The following ZSCAN2 variants were observed in gnomAD, a reference collection of about 807,000 sequenced individuals.
ZSCAN2 encodes the protein zinc finger and SCAN domain containing 2.
In ZSCAN2, 26 loss-of-function variants were observed where a neutral mutation model predicts 47.8. The ratio of observed to expected loss-of-function variants is 0.54; its 90% CI spans 0.40 to 0.75. The LOEUF is 0.75. ZSCAN2 is among the 30% of genes least tolerant of loss of function. The pLI is 0.00. For missense variants in ZSCAN2, 732 were observed against 785.4 expected, an observed-to-expected ratio of 0.93 and a Z score of 0.81; for synonymous variants, 305 against 288.7, an observed-to-expected ratio of 1.06 and a Z score of -0.57.
rs1267756182 is a variant in ZSCAN2, at chr15:84,622,955, C to G, written c.*915C>G. 1 of 432,318 alleles carries G rather than the reference C, an allele frequency of 2.3e-6. No homozygotes were observed. The highest frequency in any genetic ancestry group is 3.9e-5 in the East Asian group (1 of 25,408). The allele number at this position is 432,318 out of a possible 1,614,324, so 26.8% of individuals were successfully genotyped here. A position where few individuals can be genotyped will look rare whatever the true frequency, so the allele number is the denominator to read the frequency against. The stretch of plus-strand genomic sequence containing the variant: ...TGCACACAGCAGGGTGGGTTTGTGC[C>G]TTTGGCCCAACAGGTACATAGCCCC... On this transcript the variant is annotated 3_prime_UTR_variant, in exon 3 of 3. Coordinates refer to ENST00000546148, the MANE Select transcript of ZSCAN2 (RefSeq NM_181877.4).
rs375524895 is a variant in ZSCAN2 at position 84,620,738 on chromosome 15, T to C, written c.543T>C (p.Asp181=). ...HSDGESDFER[D]AGIQRLQGHS... is the part of the protein sequence containing the mutation. ...ATGGGGAAAGTGACTTTGAGAGAGA[T>C]GCTGGCATCCAGAGGCTCCAGGGAC... Residue 181 remains aspartate, a synonymous_variant, in exon 3 of 3, where the codon GAT becomes GAC. Coordinates refer to ENST00000546148, the MANE Select transcript of ZSCAN2 (RefSeq NM_181877.4). 2 of 1,614,120 alleles carry C rather than the reference T, an allele frequency of 1.2e-6. No individual in the cohort carries two copies. The highest frequency in any genetic ancestry group is 1.3e-5 in the African/African-American group (1 of 74,934).
At chr15:84,611,263 A>G (rs1029343215) in intron 2 of ZSCAN2, among the ~76,000 whole-genome samples, 2 of 152,102 alleles carry the variant, frequency 1.3e-5, no homozygotes, top group Admixed American at 1.3e-4. Context: ...CCTGGGTGAC[A>G]GAGCAAGACT....
Position 84,622,124 on chromosome 15 carries a change from T to C in ZSCAN2, c.*84T>C. 1 of 1,239,118 alleles carries C rather than the reference T, an allele frequency of 8.1e-7. No homozygotes were observed. Among genetic ancestry groups the C allele is most frequent in the Non-Finnish European group, 1.1e-6 (1 of 881,508 alleles). 76.8% of individuals were successfully genotyped at this position (1,239,118 alleles called of 1,614,324 possible). Reference sequence around the variant, plus strand: ...ACAGTGATTCCCTTTCAAAGAGCTGTGCTTCCTAAACATTCTGGGGGGTTT... The same window carrying C: ...ACAGTGATTCCCTTTCAAAGAGCTGCGCTTCCTAAACATTCTGGGGGGTTT... On this transcript the variant is annotated 3_prime_UTR_variant, in exon 3 of 3. Transcript: ENST00000546148.
At position 84,620,469 on chromosome 15, in the gene ZSCAN2, A is replaced by G. The variant is rs376808587; in HGVS notation, c.407-133A>G. The G allele has an allele frequency of 2.1e-5, 16 of 751,456 alleles. No homozygotes were observed. In the East Asian group the frequency reaches 3.8e-4, roughly 18 times the overall value. 46.5% of individuals were successfully genotyped at this position (751,456 alleles called of 1,614,324 possible). The stretch of plus-strand genomic sequence containing the variant: ...TTTGGGTATATTAAACCTGATTATT[A>G]AAGGCTTTGAGGATTTTCTAGCCTC... On this transcript the variant is annotated intron_variant, in intron 2 of 2. Coordinates refer to ENST00000546148, the MANE Select transcript of ZSCAN2 (RefSeq NM_181877.4).
At position 84,609,286 on chromosome 15, in the gene ZSCAN2, C is replaced by CATATATGATATATGAG. The variant is rs1302285591; in HGVS notation, c.406+4967_406+4982dup. Among the ~76,000 whole-genome samples, 4 of 150,706 alleles carry CATATATGATATATGAG rather than the reference C, an allele frequency of 2.7e-5. No homozygotes were observed. The South Asian group carries it at 8.4e-4, about 31-fold the overall frequency. ...ACACATATATATCTATGATATATAT[C>CATATATGATATATGAG]ATATATGATATATGAGATATATGAT... On this transcript the variant is annotated intron_variant, in intron 2 of 2. Transcript: ENST00000546148.
intron 1 of ZSCAN2, among the ~76,000 whole-genome samples, chr15:84,603,194 C>T (rs952487792): frequency 2.0e-5 from 3 of 152,086 alleles, no homozygotes; most frequent in Middle Eastern, 3.4e-3. Flanking sequence ...AGGTGGTCAC[C>T]GAGTTTGGTG....
In ZSCAN2 at chr15:84,620,335, A is replaced by G. The variant is rs548266017; in HGVS notation, c.407-267A>G. ...ATATGTACTACATTTTCTTCATCCAATCTATCATTGATGGGCATTTGGGTT... is the reference window on the plus strand; with the variant it reads ...ATATGTACTACATTTTCTTCATCCAGTCTATCATTGATGGGCATTTGGGTT... On this transcript the variant is annotated intron_variant, in intron 2 of 2. Coordinates refer to ENST00000546148, the MANE Select transcript of ZSCAN2 (RefSeq NM_181877.4). 1.6e-3 allele frequency among the ~76,000 whole-genome samples: 237 copies of G among 152,186 alleles called. 2 individuals are homozygous for G. The highest frequency in any genetic ancestry group is 4.9e-3 in the African/African-American group (202 of 41,530).
chr15:84,621,477 A>G lies in ZSCAN2; in HGVS notation c.1282A>G (p.Ser428Gly). The G allele has an allele frequency of 6.2e-7, 1 of 1,614,146 alleles. No individual in the cohort carries two copies. Among genetic ancestry groups the G allele is most frequent in the African/African-American group, 1.3e-5 (1 of 75,026 alleles). ...YQCSECGKSF[S>G]RSSNLATHRR... ...GTGCAGCGAGTGTGGGAAAAGCTTC[A>G]GCCGCAGCTCTAACCTGGCCACACA... The change falls in exon 3 of 3, where the codon AGC becomes GGC. Residue 428 changes from serine (S) to glycine (G), a missense_variant. Physicochemically the swap from Ser to Gly is moderately conservative, Grantham distance 56. Around this residue, in one of 2 missense-constraint regions of ZSCAN2, gnomAD observed 412 missense variants for 498.0 expected, o/e 0.83. Transcript: ENST00000546148. This position sits in a 1 kb window ranked among gnomAD's most constrained non-coding sequence, Gnocchi z 5.7.
chr15:84,606,021 CGTT>C (rs762902001), intron 2 of ZSCAN2, among the ~76,000 whole-genome samples: 54 of 152,290 alleles, frequency 3.5e-4, no homozygotes, highest in Non-Finnish European at 6.3e-4. Context: ...TGTTTTTAAG[CGTT>C]GTCATATGTA....
At chr15:84,603,391 C>T (rs1315702124) in intron 1 of ZSCAN2, among the ~76,000 whole-genome samples, 3 of 139,660 alleles carry the variant, frequency 2.1e-5, no homozygotes, top group Non-Finnish European at 4.6e-5. Flanking sequence ...TTTTTTGAGA[C>T]GGAGTCTCAC....
intron 2 of ZSCAN2, among the ~76,000 whole-genome samples, chr15:84,610,488 C>CTTTTTTTTT (rs71132689): frequency 1.0e-4 from 9 of 86,924 alleles, no homozygotes; most frequent in African/African-American, 1.1e-4. Flanking sequence ...TTCTTTCTTT[C>CTTTTTTTTT]TTTTTTTTTT....
chr15:84,601,115 CAGGACCTGGTCTCCCGAG>C lies in ZSCAN2; in HGVS notation c.-125_-109+1del, dbSNP rs1021293390. On this transcript the variant is annotated splice_region_variant and 5_prime_UTR_variant, in exon 1 of 3. Transcript: ENST00000546148. ...TTCGCACGCGAAGCAACCGCTAGAGCAGGACCTGGTCTCCCGAGAGGTGAGCCGGAGAGGCAGGCCTGG... is the reference window on the plus strand; with the variant it reads ...TTCGCACGCGAAGCAACCGCTAGAGCAGGTGAGCCGGAGAGGCAGGCCTGG... 1 of 152,554 alleles carries C rather than the reference CAGGACCTGGTCTCCCGAG, an allele frequency of 6.6e-6. No individual in the cohort carries two copies. Among genetic ancestry groups the C allele is most frequent in the Admixed American group, 6.5e-5 (1 of 15,292 alleles). The allele number at this position is 152,554 out of a possible 1,614,324, so 9.5% of individuals were successfully genotyped here. A position where few individuals can be genotyped will look rare whatever the true frequency, so the allele number is the denominator to read the frequency against.
In ZSCAN2 at chr15:84,620,589, T is replaced by G; in HGVS notation, c.407-13T>G. Reference sequence around the variant, plus strand: ...GTTGAGTAGACATTGTATGTTTTTCTTCATTGTTTCAGATTTTGAGATACA... The same window carrying G: ...GTTGAGTAGACATTGTATGTTTTTCGTCATTGTTTCAGATTTTGAGATACA... On this transcript the variant is annotated splice_polypyrimidine_tract_variant and intron_variant, in intron 2 of 2. Coordinates refer to ENST00000546148, the MANE Select transcript of ZSCAN2 (RefSeq NM_181877.4). The G allele has an allele frequency of 6.3e-7, 1 of 1,585,952 alleles. No homozygotes were observed. Among genetic ancestry groups the G allele is most frequent in the Non-Finnish European group, 8.6e-7 (1 of 1,159,178 alleles).
In ZSCAN2 at chr15:84,622,893, G is replaced by T. The variant is rs1018133162; in HGVS notation, c.*853G>T. 1.6e-4 allele frequency: 93 copies of T among 579,968 alleles called. No homozygotes were observed. The highest frequency in any genetic ancestry group is 2.7e-4 in the Non-Finnish European group (85 of 319,440). 35.9% of individuals were successfully genotyped at this position (579,968 alleles called of 1,614,324 possible). A position where few individuals can be genotyped will look rare whatever the true frequency, so the allele number is the denominator to read the frequency against. ...GAGCCCTAGCTGCCAACCCATGGTGGATGGTAACTTCTGTCTCATCAAGAG... is the reference window on the plus strand; with the variant it reads ...GAGCCCTAGCTGCCAACCCATGGTGTATGGTAACTTCTGTCTCATCAAGAG... On this transcript the variant is annotated 3_prime_UTR_variant, in exon 3 of 3. Coordinates refer to ENST00000546148, the MANE Select transcript of ZSCAN2 (RefSeq NM_181877.4).
At chr15:84,607,050 T>TC (rs936595120) in intron 2 of ZSCAN2, among the ~76,000 whole-genome samples, 13 of 152,288 alleles carry the variant, frequency 8.5e-5, no homozygotes, top group African/African-American at 2.6e-4. Flanking sequence ...TTAATGTTTT[T>TC]CTGACAGGAA....
intron 2 of ZSCAN2, chr15:84,616,333 G>A: frequency 6.4e-7 from 1 of 1,570,108 alleles, no homozygotes; most frequent in Non-Finnish European, 8.8e-7. Context: ...GTACATGGCT[G>A]CCCTGTGTGA....
At chr15:84,609,758 C>G (rs1413920836) in intron 2 of ZSCAN2, among the ~76,000 whole-genome samples, 1 of 152,198 alleles carries the variant, frequency 6.6e-6, no homozygotes, top group Admixed American at 6.5e-5. Context: ...AGAACCACTT[C>G]TCTATTTTAG....
intron 1 of ZSCAN2, among the ~76,000 whole-genome samples, chr15:84,602,571 T>C (rs1425889560): frequency 6.7e-6 from 1 of 150,230 alleles, no homozygotes; most frequent in African/African-American, 2.4e-5. Context: ...TCTTTTCTTT[T>C]TTTTCCTTTT....
rs891789308 is a variant in ZSCAN2, at chr15:84,623,195, C to G, written c.*1155C>G. 6.4e-6 allele frequency: 1 copy of G among 156,848 alleles called. No individual in the cohort carries two copies. The highest frequency in any genetic ancestry group is 1.9e-4 in the East Asian group (1 of 5,208). The allele number at this position is 156,848 out of a possible 1,614,324, so 9.7% of individuals were successfully genotyped here. The stretch of plus-strand genomic sequence containing the variant: ...CTCCGCCTCCCGGGTTCACGCCATT[C>G]TCCTGCCTCAGCCTCCCGAGTAGCT... On this transcript the variant is annotated 3_prime_UTR_variant, in exon 3 of 3. Transcript: ENST00000546148.
Sources: allele counts gnomAD v4.1 joint callset (sites outside exome capture counted in the v4.1 genomes callset), GRCh38; gene constraint gnomAD v4.1.1; regional missense constraint gnomAD v4.1.1; non-coding constraint Gnocchi (gnomAD v3.1); transcripts MANE v1.5; gene names NCBI Gene and HGNC (gene_info 2026-07-23, HGNC 2026-07-21).